The following NDUFA12 variants were observed in gnomAD, a reference collection of about 807,000 sequenced individuals.
NDUFA12 encodes the protein NADH dehydrogenase [ubiquinone] 1 alpha subcomplex subunit 12.
Under a neutral mutation model 20.3 loss-of-function variants are expected in NDUFA12, and 17 were observed. The observed-to-expected ratio is 0.84, with a 90% CI of 0.57 to 1.26. The LOEUF (loss-of-function observed/expected upper bound fraction) is 1.26, where lower values mean the gene tolerates loss of function less well. Ranked by LOEUF, NDUFA12 falls within the 50% of genes most tolerant of loss-of-function variation. The pLI is 0.00. For synonymous variants in NDUFA12, 72 were observed against 63.6 expected, an observed-to-expected ratio of 1.13 and a Z score of -0.63; for missense variants, 191 against 183.7, an observed-to-expected ratio of 1.04 and a Z score of -0.23.
At chr12:94,983,045 C>G (rs1347862201) in intron 3 of NDUFA12, among the ~76,000 whole-genome samples, 5 of 152,152 alleles carry the variant, frequency 3.3e-5, no homozygotes, top group African/African-American at 1.2e-4. Context: ...GGTCGTCTAT[C>G]AAGCTTCTCA....
At chr12:94,995,915 A>G (rs1431540928) in intron 2 of NDUFA12, among the ~76,000 whole-genome samples, 1 of 147,718 alleles carries the variant, frequency 6.8e-6, no homozygotes, top group African/African-American at 2.5e-5. Flanking sequence ...TTTTTTTTTA[A>G]TAAACACAAC....
chr12:94,989,842 C>T (rs1027057438), intron 3 of NDUFA12, among the ~76,000 whole-genome samples: 3 of 152,076 alleles, frequency 2.0e-5, no homozygotes, highest in South Asian at 4.2e-4. Flanking sequence ...ACACCCCTAC[C>T]CCTCATCTCC....
chr12:95,000,634 A>G (rs944156124), intron 2 of NDUFA12, among the ~76,000 whole-genome samples: 2 of 152,214 alleles, frequency 1.3e-5, no homozygotes, highest in Admixed American at 6.5e-5. Context: ...AGGGAAGTTA[A>G]TTAAGTTAAC....
intron 3 of NDUFA12, among the ~76,000 whole-genome samples, chr12:94,972,762 G>A (rs1369497538): frequency 6.6e-6 from 1 of 152,188 alleles, no homozygotes; most frequent in African/African-American, 2.4e-5. Context: ...AACAATTTAA[G>A]AGGATATGTT....
intron 3 of NDUFA12, among the ~76,000 whole-genome samples, chr12:94,986,763 C>T (rs974335867): frequency 6.6e-6 from 1 of 151,996 alleles, no homozygotes; most frequent in Non-Finnish European, 1.5e-5. Flanking sequence ...GTGCACTCAG[C>T]CTGGGCGACA....
intron 3 of NDUFA12, among the ~76,000 whole-genome samples, chr12:94,992,265 A>T (rs1190618521): frequency 6.6e-6 from 1 of 152,208 alleles, no homozygotes; most frequent in Non-Finnish European, 1.5e-5. Context: ...ATTTCATTTC[A>T]AAATATGCGT....
chr12:94,972,042 C>T (rs981182032), intron 3 of NDUFA12, among the ~76,000 whole-genome samples: 4 of 152,126 alleles, frequency 2.6e-5, no homozygotes, highest in Non-Finnish European at 5.9e-5. Flanking sequence ...CCTACCTCAG[C>T]CTCCTACATA....
At chr12:94,993,399 T>C (rs1592704471) in intron 3 of NDUFA12, among the ~76,000 whole-genome samples, 2 of 149,032 alleles carry the variant, frequency 1.3e-5, no homozygotes, top group Non-Finnish European at 3.0e-5. Context: ...CCGAGGCGGG[T>C]GGATCACCTG....
rs375252180 is a variant in NDUFA12, at chr12:94,971,648, T to C, written c.258-28A>G. On this transcript the variant is annotated intron_variant, in intron 3 of 3. Transcript: ENST00000327772. ...TAAAGAGGGGAAAAAACCCAAACAGTTATGAAGAGGCAGTACAGCATAGTG... is the reference window on the plus strand; with the variant it reads ...TAAAGAGGGGAAAAAACCCAAACAGCTATGAAGAGGCAGTACAGCATAGTG... 6 of 1,612,994 alleles carry C rather than the reference T, an allele frequency of 3.7e-6. No individual in the cohort carries two copies. The Admixed American group carries it at 8.3e-5, about 22-fold the overall frequency.
At chr12:94,995,116 A>C (rs546395195) in intron 2 of NDUFA12, among the ~76,000 whole-genome samples, 4 of 152,298 alleles carry the variant, frequency 2.6e-5, no homozygotes, top group African/African-American at 9.6e-5. Flanking sequence ...CACTGAATCC[A>C]TTCATTCCTA....
chr12:94,979,447 A>G (rs1480874705), intron 3 of NDUFA12, among the ~76,000 whole-genome samples: 1 of 152,224 alleles, frequency 6.6e-6, no homozygotes, highest in Non-Finnish European at 1.5e-5. Context: ...GATTATAAGG[A>G]TTGTTTTAAT....
chr12:94,986,934 C>G (rs536855750), intron 3 of NDUFA12, among the ~76,000 whole-genome samples: 1 of 152,086 alleles, frequency 6.6e-6, no homozygotes, highest in South Asian at 2.1e-4. Context: ...GGATTATAAC[C>G]CATTGATTAA....
chr12:94,980,269 T>A (rs977296686), intron 3 of NDUFA12, among the ~76,000 whole-genome samples: 2 of 152,176 alleles, frequency 1.3e-5, no homozygotes, highest in Non-Finnish European at 2.9e-5. Context: ...GGCTTCTGAT[T>A]CTAATTCTCC....
At chr12:94,971,759 T>C (rs1454560744) in intron 3 of NDUFA12, 139 bp from the exon 4 acceptor site, 2 of 943,962 alleles carry the variant, frequency 2.1e-6, no homozygotes, top group East Asian at 2.4e-5. Flanking sequence ...TGAATTCTTC[T>C]ATGCCTTAGA....
chr12:94,984,055 G>C (rs1317259717), intron 3 of NDUFA12, among the ~76,000 whole-genome samples: 1 of 152,026 alleles, frequency 6.6e-6, no homozygotes, highest in African/African-American at 2.4e-5. Context: ...GTGGGGGAGG[G>C]GGGATGAGAG....
chr12:94,996,358 C>CACACACACACACAT (rs779235801), intron 2 of NDUFA12, among the ~76,000 whole-genome samples: 22 of 141,126 alleles, frequency 1.6e-4, no homozygotes, highest in Non-Finnish European at 2.8e-4. Context: ...CACACACACA[C>CACACACACACACAT]GAGATGGGGG....
At chr12:94,977,681 C>A (rs942414024) in intron 3 of NDUFA12, among the ~76,000 whole-genome samples, 2 of 151,882 alleles carry the variant, frequency 1.3e-5, no homozygotes, top group Admixed American at 1.3e-4. Flanking sequence ...ATTATCATAC[C>A]CAAAAAATAA....
At chr12:94,971,843 T>C (rs747566557) in intron 3 of NDUFA12, 3 of 716,580 alleles carry the variant, frequency 4.2e-6, no homozygotes, top group Non-Finnish European at 7.6e-6. Context: ...ATAAAGCACA[T>C]AGAAAAATTC....
intron 2 of NDUFA12, 57 bp downstream of exon 2, chr12:95,002,682 C>G: frequency 7.7e-7 from 1 of 1,297,056 alleles, no homozygotes; most frequent in Non-Finnish European, 1.1e-6. Flanking sequence ...GGAAAATAGA[C>G]TCAAATCAAA....
Sources: gnomAD v4.1 joint callset for allele counts (sites outside exome capture counted in the v4.1 genomes callset) on GRCh38, gnomAD v4.1.1 for gene constraint, MANE v1.5 for transcripts, NCBI Gene and HGNC (gene_info 2026-07-23, HGNC 2026-07-21) for gene names.